The following PPARGC1A variants were observed in gnomAD, a reference collection of about 807,000 sequenced individuals.
PPARGC1A encodes PPARG coactivator 1 alpha, also known as peroxisome proliferator-activated receptor gamma coactivator 1-alpha.
A neutral mutation model predicts 88.7 loss-of-function variants in PPARGC1A; 25 were observed. The ratio of observed to expected loss-of-function variants is 0.28; its 90% CI spans 0.21 to 0.39. The LOEUF is 0.39. Ranked by LOEUF, PPARGC1A falls within the 10% of genes least tolerant of loss-of-function variation. The probability of loss-of-function intolerance (pLI) is 1.00; values close to 1 mark genes in which losing one functional copy is unlikely to be tolerated. For missense variants in PPARGC1A, 880 were observed against 968.7 expected, an observed-to-expected ratio of 0.91 and a Z score of 1.22; for synonymous variants, 363 against 355.6, an observed-to-expected ratio of 1.02 and a Z score of -0.24.
chr4:24,124,683 G>A, the PPARGC1A span, among the ~76,000 whole-genome samples: 4 of 151,878 alleles, frequency 2.6e-5, no homozygotes, highest in South Asian at 8.3e-4. Flanking sequence ...TTTTTTTTAG[G>A]AAGGAGATGC....
chr4:24,059,868 T>C, the PPARGC1A span, among the ~76,000 whole-genome samples: 1 of 152,154 alleles, frequency 6.6e-6, no homozygotes, highest in East Asian at 1.9e-4. Flanking sequence ...GGCCTAAAAT[T>C]ATCATTTCCT....
At chr4:23,888,964 G>A in intron 1 of PPARGC1A, 1 of 985,318 alleles carries the variant, frequency 1.0e-6, no homozygotes, top group South Asian at 4.7e-5. Context: ...AGTTTTGCTT[G>A]TTTCCCAAGT....
chr4:24,386,018 G>C, the PPARGC1A span, among the ~76,000 whole-genome samples: 1 of 152,170 alleles, frequency 6.6e-6, no homozygotes, highest in African/African-American at 2.4e-5. Flanking sequence ...ATTGGATCCA[G>C]AAGCACATCA....
the PPARGC1A span, among the ~76,000 whole-genome samples, chr4:24,167,242 T>C: frequency 6.6e-6 from 1 of 152,154 alleles, no homozygotes; most frequent in African/African-American, 2.4e-5. Context: ...AGCAAGAAAC[T>C]AGATTTGGAA....
the PPARGC1A span, among the ~76,000 whole-genome samples, chr4:24,251,619 A>G: frequency 7.2e-5 from 11 of 152,218 alleles, no homozygotes; most frequent in Non-Finnish European, 1.5e-4. Flanking sequence ...AGCATCTATC[A>G]TCTTACTGCC....
chr4:24,017,129 G>A, the PPARGC1A span, among the ~76,000 whole-genome samples: 2 of 152,108 alleles, frequency 1.3e-5, no homozygotes, highest in South Asian at 2.1e-4. Context: ...GCCCTTTATC[G>A]CCATGTGAAA....
chr4:24,114,206 G>A, the PPARGC1A span, among the ~76,000 whole-genome samples: 1 of 151,444 alleles, frequency 6.6e-6, no homozygotes, highest in South Asian at 2.1e-4. Context: ...CAAACCCTGG[G>A]ACCACCTAGC....
chr4:24,189,757 T>C, the PPARGC1A span, among the ~76,000 whole-genome samples: 9 of 152,156 alleles, frequency 5.9e-5, 1 homozygote, highest in African/African-American at 2.2e-4. Flanking sequence ...ACTTTTCATG[T>C]ATTTAGTTTA....
the PPARGC1A span, among the ~76,000 whole-genome samples, chr4:24,459,840 C>T: frequency 6.6e-6 from 1 of 152,124 alleles, no homozygotes; most frequent in Non-Finnish European, 1.5e-5. Context: ...ACTTTAAATA[C>T]AATAGGCATA....
intron 7 of PPARGC1A, among the ~76,000 whole-genome samples, chr4:23,822,017 G>A (rs1186820739): frequency 1.3e-5 from 2 of 152,026 alleles, no homozygotes; most frequent in African/African-American, 4.8e-5. Flanking sequence ...ATTGCATACT[G>A]GCAATTTTAT....
the PPARGC1A span, among the ~76,000 whole-genome samples, chr4:24,062,580 G>A: frequency 3.3e-5 from 5 of 152,112 alleles, no homozygotes; most frequent in Non-Finnish European, 5.9e-5. Context: ...TAGCCTGGGG[G>A]CCCCCAGTGG....
the PPARGC1A span, among the ~76,000 whole-genome samples, chr4:24,240,624 C>T: frequency 1.3e-5 from 2 of 152,180 alleles, no homozygotes; most frequent in Non-Finnish European, 2.9e-5. Context: ...GGCAATTTCA[C>T]AAGCACAAAC....
chr4:24,465,635 C>T, the PPARGC1A span, among the ~76,000 whole-genome samples: 9 of 152,168 alleles, frequency 5.9e-5, no homozygotes, highest in South Asian at 4.1e-4. Context: ...GCTACAGGAA[C>T]GTGAAAGCAG....
At chr4:23,830,470 G>A (rs1032923364) in intron 3 of PPARGC1A, among the ~76,000 whole-genome samples, 2 of 152,188 alleles carry the variant, frequency 1.3e-5, no homozygotes, top group Non-Finnish European at 2.9e-5. Flanking sequence ...AGAAATCAGG[G>A]TACTAGGGAG....
At chr4:24,470,960 C>A in the PPARGC1A span, among the ~76,000 whole-genome samples, 38 of 151,660 alleles carry the variant, frequency 2.5e-4, no homozygotes, top group African/African-American at 7.7e-4. This position sits in a 1 kb window ranked among gnomAD's most constrained non-coding sequence, Gnocchi z 5.8. Context: ...TTTTCGGTTG[C>A]TTTCGGGGTT....
At chr4:24,289,350 C>A in the PPARGC1A span, among the ~76,000 whole-genome samples, 1 of 152,116 alleles carries the variant, frequency 6.6e-6, no homozygotes, top group South Asian at 2.1e-4. Context: ...TTCTCTGACC[C>A]TTCGCTGCAC....
the PPARGC1A span, among the ~76,000 whole-genome samples, chr4:23,980,938 G>A: frequency 6.6e-6 from 1 of 152,116 alleles, no homozygotes; most frequent in African/African-American, 2.4e-5. Flanking sequence ...CTGGGTGACC[G>A]TGAACTTGAC....
At chr4:24,279,671 C>T in the PPARGC1A span, among the ~76,000 whole-genome samples, 1 of 152,172 alleles carries the variant, frequency 6.6e-6, no homozygotes, top group Non-Finnish European at 1.5e-5. Flanking sequence ...CAAAGCTCCA[C>T]TGACACACGC....
the PPARGC1A span, among the ~76,000 whole-genome samples, chr4:23,999,263 G>T: frequency 6.6e-6 from 1 of 152,178 alleles, no homozygotes; most frequent in African/African-American, 2.4e-5. Flanking sequence ...TTGTCTGTTT[G>T]CTACCAGTAT....
Sources: allele counts gnomAD v4.1 joint callset (sites outside exome capture counted in the v4.1 genomes callset), GRCh38; gene constraint gnomAD v4.1.1; non-coding constraint Gnocchi (gnomAD v3.1); transcripts MANE v1.5; gene names NCBI Gene and HGNC (gene_info 2026-07-23, HGNC 2026-07-21).